Variants in TMCC1 observed in about 807,000 individuals in gnomAD.
TMCC1 encodes transmembrane and coiled-coil domain family 1, also known as transmembrane and coiled-coil domains protein 1.
TMCC1 carries 15 observed loss-of-function variants against 52.4 expected under a neutral mutation model. The ratio of observed to expected loss-of-function variants is 0.29; its 90% confidence interval spans 0.19 to 0.44. TMCC1 has a LOEUF of 0.44. Ranked by LOEUF, TMCC1 falls within the 20% of genes least tolerant of loss-of-function variation. The pLI is 1.00. For missense variants in TMCC1, 503 were observed against 806.0 expected (o/e 0.62, Z 4.55); for synonymous variants, 279 against 301.9 (o/e 0.92, Z 0.79).
intron 2 of TMCC1, among the ~76,000 whole-genome samples, chr3:129,872,989 C>T (rs2061003837): frequency 6.6e-6 from 1 of 151,266 alleles, no homozygotes; most frequent in South Asian, 2.1e-4. Flanking sequence ...ACAATCTCGG[C>T]TCACTGCAAC....
chr3:129,841,966 T>C (rs1158472407), intron 2 of TMCC1, among the ~76,000 whole-genome samples: 1 of 152,222 alleles, frequency 6.6e-6, no homozygotes, highest in African/African-American at 2.4e-5. Flanking sequence ...GGTAGTTCTT[T>C]ATAGCATTGT....
chr3:129,863,060 T>C (rs1354705615), intron 2 of TMCC1, among the ~76,000 whole-genome samples: 2 of 152,172 alleles, frequency 1.3e-5, no homozygotes. Flanking sequence ...ATATGAATAA[T>C]AAAGCACTCA....
chr3:129,691,648 G>A (rs2047036267), intron 4 of TMCC1, among the ~76,000 whole-genome samples: 1 of 152,292 alleles, frequency 6.6e-6, no homozygotes, highest in East Asian at 1.9e-4. Context: ...GCCGGGCATG[G>A]TGGTACATGC....
intron 4 of TMCC1, among the ~76,000 whole-genome samples, chr3:129,785,248 A>G (rs1326932586): frequency 6.6e-6 from 1 of 152,202 alleles, no homozygotes; most frequent in Non-Finnish European, 1.5e-5. Flanking sequence ...GAGTAGTGTC[A>G]GTGAAAAACA....
chr3:129,798,038 C>T (rs1034434012), intron 4 of TMCC1, among the ~76,000 whole-genome samples: 1 of 151,236 alleles, frequency 6.6e-6, no homozygotes, highest in Admixed American at 6.6e-5. Context: ...TCTTGTCCCC[C>T]AGGCTGGAGT....
intron 4 of TMCC1, among the ~76,000 whole-genome samples, chr3:129,808,468 C>G (rs1312795338): frequency 5.3e-5 from 8 of 151,190 alleles, no homozygotes. Context: ...TGCAACAGAG[C>G]AAGACTCCAT....
At chr3:129,859,090 G>T (rs2060267969) in intron 2 of TMCC1, among the ~76,000 whole-genome samples, 1 of 152,090 alleles carries the variant, frequency 6.6e-6, no homozygotes, top group African/African-American at 2.4e-5. Flanking sequence ...AAATTTTCAA[G>T]ATTTTGACTG....
intron 2 of TMCC1, among the ~76,000 whole-genome samples, chr3:129,851,102 G>A (rs1362263903): frequency 5.9e-5 from 9 of 152,180 alleles, no homozygotes; most frequent in African/African-American, 1.9e-4. Context: ...ATTTTGGGGG[G>A]CCTATTCCCA....
At chr3:129,766,866 G>A (rs1223757875) in intron 4 of TMCC1, among the ~76,000 whole-genome samples, 2 of 151,918 alleles carry the variant, frequency 1.3e-5, no homozygotes, top group Admixed American at 6.6e-5. Flanking sequence ...TGATCTGCCC[G>A]CCTTAGCCTC....
chr3:129,820,189 C>T (rs538207814), intron 4 of TMCC1, among the ~76,000 whole-genome samples: 2 of 150,628 alleles, frequency 1.3e-5, no homozygotes, highest in African/African-American at 4.9e-5. Flanking sequence ...AGACTTGGTT[C>T]TGACATCCAT....
intron 4 of TMCC1, among the ~76,000 whole-genome samples, chr3:129,760,047 T>C (rs1158326851): frequency 6.6e-6 from 1 of 151,810 alleles, no homozygotes; most frequent in African/African-American, 2.4e-5. Context: ...AATTAATAGA[T>C]TTTATTTTTT....
intron 4 of TMCC1, among the ~76,000 whole-genome samples, chr3:129,785,586 AACAC>A (rs10576514): frequency 7.8e-6 from 1 of 128,278 alleles, no homozygotes; most frequent in Non-Finnish European, 1.6e-5. Context: ...CACACACACA[AACAC>A]ACACACACAC....
At chr3:129,664,411 G>A (rs2087286869) in intron 5 of TMCC1, among the ~76,000 whole-genome samples, 1 of 152,150 alleles carries the variant, frequency 6.6e-6, no homozygotes, top group African/African-American at 2.4e-5. Flanking sequence ...GTGCCTAATT[G>A]GGTCAGCCTA....
At chr3:129,754,267 T>C (rs1362795874) in intron 4 of TMCC1, among the ~76,000 whole-genome samples, 1 of 152,174 alleles carries the variant, frequency 6.6e-6, no homozygotes, top group African/African-American at 2.4e-5. Flanking sequence ...CACCATGTCA[T>C]TTACTGGAAG....
chr3:129,845,563 A>T lies in TMCC1; in HGVS notation c.-183-12737T>A, dbSNP rs568128194. On this transcript the variant is annotated intron_variant, in intron 2 of 6. Transcript: ENST00000393238. ...ATAAATACTATCATTGAAGTATATA[A>T]ATCAGATATATACTATCAAAACAAA... is the stretch of plus-strand genomic sequence containing the variant. Among the ~76,000 whole-genome samples, 3 of 152,348 alleles carry T rather than the reference A, an allele frequency of 2.0e-5. No individual in the cohort carries two copies. In the South Asian group the frequency reaches 6.2e-4, roughly 32 times the overall value.
rs190000662 is a variant in TMCC1, at chr3:129,804,288, T to C, written c.576+23515A>G. On this transcript the variant is annotated intron_variant, in intron 4 of 6. Transcript: ENST00000393238. ...TCGCCTGATGGAAAATATAATGCCA[T>C]GCAAATACTAACCAAAAGAAAGATG... Among the ~76,000 whole-genome samples the C allele has an allele frequency of 2.0e-5, 3 of 152,330 alleles. No homozygotes were observed. In the East Asian group the frequency reaches 5.8e-4, roughly 29 times the overall value.
intron 4 of TMCC1, among the ~76,000 whole-genome samples, chr3:129,720,270 G>A (rs79674731): frequency 2.0e-5 from 3 of 151,796 alleles, no homozygotes; most frequent in East Asian, 1.9e-4. Context: ...GCCAAGTGAA[G>A]TGTCAGCAAA....
chr3:129,709,497 A>AG (rs1553838680), intron 4 of TMCC1, among the ~76,000 whole-genome samples: 13 of 64,070 alleles, frequency 2.0e-4, no homozygotes, highest in African/African-American at 4.0e-4. Context: ...AAAAAAAAAA[A>AG]AGAGAGAGAG....
chr3:129,721,977 T>G (rs1476249076), intron 4 of TMCC1, among the ~76,000 whole-genome samples: 1 of 152,260 alleles, frequency 6.6e-6, no homozygotes, highest in South Asian at 2.1e-4. Flanking sequence ...GATTGTTATA[T>G]TAAAAGTTTT....
Sources: allele counts gnomAD v4.1 joint callset (sites outside exome capture counted in the v4.1 genomes callset), GRCh38; gene constraint gnomAD v4.1.1; transcripts MANE v1.5; gene names NCBI Gene and HGNC (gene_info 2026-07-23, HGNC 2026-07-21).